DRC8: variants seen among roughly 807,000 people sequenced by gnomAD.
The protein encoded by DRC8 is dynein regulatory complex protein 8.
At chr1:245,082,111 T>C in the DRC8 span, 32 of 1,612,574 alleles carry the variant, frequency 2.0e-5, no homozygotes, top group Non-Finnish European at 2.6e-5. Context: ...ACTGGATACA[T>C]TCGATTCGAA....
At chr1:245,101,492 G>C in the DRC8 span, among the ~76,000 whole-genome samples, 3 of 152,156 alleles carry the variant, frequency 2.0e-5, no homozygotes, top group African/African-American at 7.2e-5. Flanking sequence ...TATGACGTCA[G>C]TACTATTGTT....
chr1:245,028,173 G>A, the DRC8 span, among the ~76,000 whole-genome samples: 1 of 152,312 alleles, frequency 6.6e-6, no homozygotes, highest in Non-Finnish European at 1.5e-5. Context: ...AGAGGCGTCA[G>A]CCACCATGCT....
chr1:245,112,307 C>T, the DRC8 span, among the ~76,000 whole-genome samples: 4 of 152,246 alleles, frequency 2.6e-5, no homozygotes, highest in Non-Finnish European at 5.9e-5. Context: ...CTGCCGACCT[C>T]AGGCGATCTG....
chr1:245,069,040 A>G, the DRC8 span, among the ~76,000 whole-genome samples: 1 of 152,200 alleles, frequency 6.6e-6, no homozygotes, highest in African/African-American at 2.4e-5. Context: ...ATCCTGTTCT[A>G]CTATAACATG....
At chr1:245,051,177 C>T in the DRC8 span, among the ~76,000 whole-genome samples, 1 of 151,880 alleles carries the variant, frequency 6.6e-6, no homozygotes, top group South Asian at 2.1e-4. Flanking sequence ...ATTGCTTGAT[C>T]CCAGGAGTTC....
the DRC8 span, among the ~76,000 whole-genome samples, chr1:245,045,579 C>T: frequency 6.6e-6 from 1 of 152,162 alleles, no homozygotes; most frequent in Non-Finnish European, 1.5e-5. Flanking sequence ...GAAGTGCTAG[C>T]CCACAGTCAG....
At chr1:245,024,344 A>G in the DRC8 span, among the ~76,000 whole-genome samples, 1 of 152,104 alleles carries the variant, frequency 6.6e-6, no homozygotes, top group Non-Finnish European at 1.5e-5. Context: ...TTTCTCGGTA[A>G]ATTATTGGAA....
chr1:244,987,863 T>A, the DRC8 span, among the ~76,000 whole-genome samples: 1 of 152,174 alleles, frequency 6.6e-6, no homozygotes, highest in Non-Finnish European at 1.5e-5. Context: ...AATTAGATAT[T>A]TAAATATGTA....
chr1:245,100,261 T>C, the DRC8 span, among the ~76,000 whole-genome samples: 1 of 152,116 alleles, frequency 6.6e-6, no homozygotes, highest in Non-Finnish European at 1.5e-5. Context: ...GGCATGTGCC[T>C]GTGGTCCCAG....
chr1:245,122,531 T>A, the DRC8 span: 1 of 152,942 alleles, frequency 6.5e-6, no homozygotes, highest in African/African-American at 2.4e-5. Flanking sequence ...TGATCACAGC[T>A]CACTGTAGCA....
the DRC8 span, among the ~76,000 whole-genome samples, chr1:245,110,647 G>A: frequency 6.6e-6 from 1 of 152,280 alleles, no homozygotes; most frequent in Non-Finnish European, 1.5e-5. Context: ...TCAAGGAGGA[G>A]CCTATTGTTT....
the DRC8 span, among the ~76,000 whole-genome samples, chr1:245,045,830 C>G: frequency 6.6e-6 from 1 of 152,138 alleles, no homozygotes; most frequent in Non-Finnish European, 1.5e-5. Context: ...AAGATGCAAA[C>G]GAAGACTCAA....
chr1:244,972,789 C>A, the DRC8 span, among the ~76,000 whole-genome samples: 1 of 151,186 alleles, frequency 6.6e-6, no homozygotes, highest in Admixed American at 6.6e-5. Flanking sequence ...TGCACTCCAG[C>A]CTGGCGACAG....
chr1:245,076,623 T>A, the DRC8 span, among the ~76,000 whole-genome samples: 1 of 152,226 alleles, frequency 6.6e-6, no homozygotes, highest in African/African-American at 2.4e-5. Context: ...ATATATGGAA[T>A]CTTTCTTGAA....
At chr1:244,997,525 C>CTT in the DRC8 span, among the ~76,000 whole-genome samples, 1,633 of 126,564 alleles carry the variant, frequency 0.013, 32 homozygotes, top group African/African-American at 0.038. Context: ...TTCGTGCCAT[C>CTT]TTTTTTTTTT....
the DRC8 span, among the ~76,000 whole-genome samples, chr1:245,010,535 G>T: frequency 6.6e-6 from 1 of 152,250 alleles, no homozygotes; most frequent in African/African-American, 2.4e-5. Flanking sequence ...TCGTGCCCTG[G>T]TCCCCCTGTG....
chr1:245,122,031 T>G, the DRC8 span: 1 of 342,580 alleles, frequency 2.9e-6, no homozygotes. Context: ...CCTGAGCAGC[T>G]GGGATGACAG....
chr1:245,113,487 G>C, the DRC8 span, among the ~76,000 whole-genome samples: 3 of 152,272 alleles, frequency 2.0e-5, no homozygotes, highest in African/African-American at 7.2e-5. Flanking sequence ...AGTACTGCGA[G>C]AAACAGAAAA....
the DRC8 span, chr1:245,087,395 T>C: frequency 9.6e-6 from 15 of 1,558,848 alleles, no homozygotes; most frequent in Non-Finnish European, 1.2e-5. Flanking sequence ...GAAAGAACAA[T>C]TTTAGAAATT....
Sources: gnomAD v4.1 joint callset for allele counts (sites outside exome capture counted in the v4.1 genomes callset) on GRCh38, gnomAD v4.1.1 for gene constraint, MANE v1.5 for transcripts, NCBI Gene and HGNC (gene_info 2026-07-23, HGNC 2026-07-21) for gene names.